MED28: variants seen among roughly 807,000 people sequenced by gnomAD.
MED28 encodes the protein mediator of RNA polymerase II transcription subunit 28.
Under a neutral mutation model 21.3 loss-of-function variants are expected in MED28, and 26 were observed. The observed-to-expected ratio is 1.22, with a 90% CI of 0.89 to 1.69. The LOEUF (loss-of-function observed/expected upper bound fraction) is 1.69, where lower values mean the gene tolerates loss of function less well. MED28 is among the 40% of genes most tolerant of loss of function. The pLI is 0.00. For synonymous variants in MED28, 110 were observed against 87.6 expected (o/e 1.26, Z -1.43); for missense variants, 257 against 215.4 (o/e 1.19, Z -1.21).
Position 17,623,774 on chromosome 4 carries a change from C to T in MED28, c.513C>T (p.Ile171=), listed in dbSNP as rs201165564. ...ACCTGGAGCAGGCATCTGCCAACAT[C>T]CCTGCACCTCTGAAGCCAACGTGAG... The part of the protein sequence containing the change: ...LAYLEQASAN[I]PAPLKPT Residue 171 remains isoleucine (I), a synonymous_variant, in exon 4 of 4, where the codon ATC becomes ATT. Coordinates refer to ENST00000237380, the MANE Select transcript of MED28 (RefSeq NM_025205.5). The T allele has an allele frequency of 3.7e-5, 60 of 1,613,956 alleles. 1 individual carries two copies. In the East Asian group the frequency reaches 1.2e-3, roughly 33 times the overall value.
chr4:17,621,829 T>G, intron 3 of MED28, 130 bp downstream of exon 3: 1 of 666,108 alleles, frequency 1.5e-6, no homozygotes, highest in Admixed American at 3.4e-5. Context: ...GTGTGAAATG[T>G]GGCTAGTCAT....
chr4:17,633,848 A>T lies in MED28; in HGVS notation c.*10050A>T. 3 of 1,551,318 alleles carry T rather than the reference A, an allele frequency of 1.9e-6. No individual in the cohort carries two copies. Among genetic ancestry groups the T allele is most frequent in the Non-Finnish European group, 2.6e-6 (3 of 1,146,890 alleles). On this transcript the variant is annotated 3_prime_UTR_variant, in exon 4 of 4. Transcript: ENST00000237380. Reference sequence around the variant, plus strand: ...CTTTGCATAGGAGGCGAGGTTCGGCACGCTGACCACGCGGCTGGGCACGTC... The same window carrying T: ...CTTTGCATAGGAGGCGAGGTTCGGCTCGCTGACCACGCGGCTGGGCACGTC...
At position 17,614,662 on chromosome 4, in the gene MED28, C is replaced by A. The variant is rs777069152; in HGVS notation, c.8C>A (p.Ala3Asp). Residue 3 changes from alanine to aspartate, a missense_variant, in exon 1 of 4, where the codon GCT (alanine) becomes GAT (aspartate). Ala to Asp is a moderately radical substitution (Grantham distance 126, BLOSUM62 -2). Transcript: ENST00000237380. MA[A>D]PLGGMFSGQP... ...TCTTGCGCCATTCCAAACATGGCGG[C>A]TCCACTAGGGGGTATGTTTTCTGGG... is the stretch of plus-strand genomic sequence containing the variant. The A allele has an allele frequency of 6.2e-7, 1 of 1,606,330 alleles. No individual in the cohort carries two copies. Among genetic ancestry groups the A allele is most frequent in the Admixed American group, 1.7e-5 (1 of 57,458 alleles).
At chr4:17,619,383 A>G (rs1714550794) in intron 1 of MED28, among the ~76,000 whole-genome samples, 1 of 152,218 alleles carries the variant, frequency 6.6e-6, no homozygotes, top group South Asian at 2.1e-4. Context: ...CAAAATTCTC[A>G]TCTACTAGTA....
In MED28 at chr4:17,623,592, C is replaced by G; in HGVS notation, c.340-9C>G. On this transcript the variant is annotated splice_polypyrimidine_tract_variant and intron_variant, in intron 3 of 3. Coordinates refer to ENST00000237380, the MANE Select transcript of MED28 (RefSeq NM_025205.5). ...TTGCTCTGACTTAGTCCATGACTTT[C>G]ATCTGCAGGATGTGTCAGAACTAAG... 2 of 1,613,326 alleles carry G rather than the reference C, an allele frequency of 1.2e-6. No individual in the cohort carries two copies. Among genetic ancestry groups the G allele is most frequent in the Non-Finnish European group, 1.7e-6 (2 of 1,179,634 alleles).
rs1714961993 is a variant in MED28, at chr4:17,632,031, G to A, written c.*8233G>A. 7.3e-6 allele frequency: 1 copy of A among 136,914 alleles called. No individual in the cohort carries two copies. The highest frequency in any genetic ancestry group is 2.7e-5 in the African/African-American group (1 of 36,508). 8.5% of individuals were successfully genotyped at this position (136,914 alleles called of 1,614,324 possible). A position where few individuals can be genotyped will look rare whatever the true frequency, so the allele number is the denominator to read the frequency against. On this transcript the variant is annotated 3_prime_UTR_variant, in exon 4 of 4. Coordinates refer to ENST00000237380, the MANE Select transcript of MED28 (RefSeq NM_025205.5). ...CCTATAGATGACTTTTAATAACACT[G>A]GTTTAATGTCAATTTTTTTTTTTTT... is the stretch of plus-strand genomic sequence containing the variant.
At chr4:17,621,978 G>T (rs1346635754) in intron 3 of MED28, among the ~76,000 whole-genome samples, 2 of 152,204 alleles carry the variant, frequency 1.3e-5, no homozygotes, top group Non-Finnish European at 2.9e-5. Context: ...ATTCTGCCAT[G>T]TGAAAAAAGG....
chr4:17,623,897 A>G lies in MED28; in HGVS notation c.*99A>G. ...TGACATTTTGGAAGAACTCTTTGCC[A>G]GATAATGAGTTCATTTTAGTTTTAT... On this transcript the variant is annotated 3_prime_UTR_variant, in exon 4 of 4. Transcript: ENST00000237380. 1 of 1,331,140 alleles carries G rather than the reference A, an allele frequency of 7.5e-7. No individual in the cohort carries two copies. Among genetic ancestry groups the G allele is most frequent in the South Asian group, 1.4e-5 (1 of 72,888 alleles). The allele number at this position is 1,331,140 out of a possible 1,614,324, so 82.5% of individuals were successfully genotyped here.
intron 3 of MED28, among the ~76,000 whole-genome samples, chr4:17,622,190 A>G (rs942323856): frequency 1.4e-4 from 22 of 152,088 alleles, no homozygotes; most frequent in African/African-American, 5.3e-4. Context: ...TGCCACGATG[A>G]CTTGGGAAGC....
rs1281033168 is a variant in MED28, at chr4:17,631,207, G to C, written c.*7409G>C. The C allele has an allele frequency of 6.6e-6, 1 of 151,712 alleles. No homozygotes were observed. 9.4% of individuals were successfully genotyped at this position (151,712 alleles called of 1,614,324 possible). On this transcript the variant is annotated 3_prime_UTR_variant, in exon 4 of 4. Transcript: ENST00000237380. ...AAACCCAAAGACCAGAGGTTCAGGG[G>C]ATATATATATATATTTTTTTAATCT...
chr4:17,623,591 T>C lies in MED28; in HGVS notation c.340-10T>C, dbSNP rs1177800520. The C allele has an allele frequency of 6.2e-7, 1 of 1,613,352 alleles. No individual in the cohort carries two copies. Among genetic ancestry groups the C allele is most frequent in the Non-Finnish European group, 8.5e-7 (1 of 1,179,728 alleles). On this transcript the variant is annotated splice_polypyrimidine_tract_variant and intron_variant, in intron 3 of 3. Coordinates refer to ENST00000237380, the MANE Select transcript of MED28 (RefSeq NM_025205.5). ...TTTGCTCTGACTTAGTCCATGACTT[T>C]CATCTGCAGGATGTGTCAGAACTAA...
chr4:17,632,605 G>T lies in MED28; in HGVS notation c.*8807G>T. 1 of 1,550,764 alleles carries T rather than the reference G, an allele frequency of 6.4e-7. No homozygotes were observed. The highest frequency in any genetic ancestry group is 8.7e-7 in the Non-Finnish European group (1 of 1,146,606). On this transcript the variant is annotated 3_prime_UTR_variant, in exon 4 of 4. Coordinates refer to ENST00000237380, the MANE Select transcript of MED28 (RefSeq NM_025205.5). Reference sequence around the variant, plus strand: ...TTTCTGCTGGACTTCTTTGGCTTGGGCCGTTTCACCATCTGGGGTCCTAAA... The same window carrying T: ...TTTCTGCTGGACTTCTTTGGCTTGGTCCGTTTCACCATCTGGGGTCCTAAA...
chr4:17,624,005 C>A lies in MED28; in HGVS notation c.*207C>A. The A allele has an allele frequency of 1.7e-6, 1 of 576,464 alleles. No individual in the cohort carries two copies. Among genetic ancestry groups the A allele is most frequent in the Non-Finnish European group, 3.1e-6 (1 of 326,284 alleles). 35.7% of individuals were successfully genotyped at this position (576,464 alleles called of 1,614,324 possible). ...ATAACATGTCTGTAGCTTGGATAAACCAAGTAAGTATTTTTTTTTTGTCTT... is the reference window on the plus strand; with the variant it reads ...ATAACATGTCTGTAGCTTGGATAAAACAAGTAAGTATTTTTTTTTTGTCTT... On this transcript the variant is annotated 3_prime_UTR_variant, in exon 4 of 4. Coordinates refer to ENST00000237380, the MANE Select transcript of MED28 (RefSeq NM_025205.5).
chr4:17,621,646 T>C lies in MED28; in HGVS notation c.286T>C (p.Leu96=). 1.9e-6 allele frequency: 3 copies of C among 1,611,414 alleles called. No homozygotes were observed. Among genetic ancestry groups the C allele is most frequent in the African/African-American group, 1.3e-5 (1 of 74,984 alleles). Residue 96 remains leucine (L), a synonymous_variant, in exon 3 of 4, where the codon TTA becomes CTA. Transcript: ENST00000237380. ...TGCAAGACAGACAGAATGTTTTTTC[T>C]TACAAAAAAGATTGCAGTTATCTGT... is the stretch of plus-strand genomic sequence containing the variant. ...DIARQTECFF[L]QKRLQLSVQK... is the part of the protein sequence containing the mutation.
rs1242255477 is a variant in MED28 at position 17,617,646 on chromosome 4, C to A, written c.160-2255C>A. Among the ~76,000 whole-genome samples, 33 of 152,206 alleles carry A rather than the reference C, an allele frequency of 2.2e-4. 1 individual carries two copies. Among genetic ancestry groups the A allele is most frequent in the Admixed American group, 2.2e-3 (33 of 15,280 alleles). ...TTCTAGGCAGATGCGGTGGCTCACG[C>A]CTGTAATCCCAGCACTTTGGGAGGC... On this transcript the variant is annotated intron_variant, in intron 1 of 3. Coordinates refer to ENST00000237380, the MANE Select transcript of MED28 (RefSeq NM_025205.5).
intron 1 of MED28, among the ~76,000 whole-genome samples, chr4:17,617,022 G>A (rs533637985): frequency 6.6e-6 from 1 of 152,306 alleles, no homozygotes; most frequent in South Asian, 2.1e-4. Context: ...CTTGTTGTAG[G>A]ATCACTGCTC....
Position 17,619,766 on chromosome 4 carries a change from G to A in MED28, c.160-135G>A, listed in dbSNP as rs1577231647. The A allele has an allele frequency of 7.0e-6, 5 of 712,532 alleles. No homozygotes were observed. The East Asian group carries it at 1.4e-4, about 20-fold the overall frequency. The allele number at this position is 712,532 out of a possible 1,614,324, so 44.1% of individuals were successfully genotyped here. A position where few individuals can be genotyped will look rare whatever the true frequency, so the allele number is the denominator to read the frequency against. The stretch of plus-strand genomic sequence containing the variant: ...TACCAGATGTTTCCATTGGCATGGT[G>A]TCTTGCCATCTCATATGCAAACACA... On this transcript the variant is annotated intron_variant, in intron 1 of 3. Coordinates refer to ENST00000237380, the MANE Select transcript of MED28 (RefSeq NM_025205.5).
At chr4:17,616,358 G>T (rs1714451754) in intron 1 of MED28, among the ~76,000 whole-genome samples, 1 of 152,216 alleles carries the variant, frequency 6.6e-6, no homozygotes, top group South Asian at 2.1e-4. Context: ...CTTTAGAGCA[G>T]CATCTAGCAT....
Position 17,632,212 on chromosome 4 carries a change from C to G in MED28, c.*8414C>G, listed in dbSNP as rs1714975292. On this transcript the variant is annotated 3_prime_UTR_variant, in exon 4 of 4. Transcript: ENST00000237380. ...GCCTCAGTCCCCCAAGTACCTGGGA[C>G]CACAGGCACACGCCACCATGCCTGG... is the stretch of plus-strand genomic sequence containing the variant. The G allele has an allele frequency of 6.0e-6, 1 of 166,376 alleles. No homozygotes were observed. The highest frequency in any genetic ancestry group is 1.3e-5 in the Non-Finnish European group (1 of 76,780). 10.3% of individuals were successfully genotyped at this position (166,376 alleles called of 1,614,324 possible). A position where few individuals can be genotyped will look rare whatever the true frequency, so the allele number is the denominator to read the frequency against.
Sources: allele counts gnomAD v4.1 joint callset (sites outside exome capture counted in the v4.1 genomes callset), GRCh38; gene constraint gnomAD v4.1.1; transcripts MANE v1.5; gene names NCBI Gene and HGNC (gene_info 2026-07-23, HGNC 2026-07-21).